AQR: variants seen among roughly 807,000 people sequenced by gnomAD.
AQR encodes RNA helicase aquarius.
Under a neutral mutation model 180.5 loss-of-function variants are expected in AQR, and 61 were observed. That is an observed-to-expected ratio of 0.34 (90% CI 0.28 to 0.42). The LOEUF is 0.42. Among genes scored for constraint, AQR ranks in the 10% least tolerant of loss-of-function variants. The probability of loss-of-function intolerance (pLI) is 1.00; values close to 1 mark genes in which losing one functional copy is unlikely to be tolerated. For missense variants in AQR, 1,281 were observed against 1,798.3 expected (o/e 0.71, Z 5.20); for synonymous variants, 551 against 588.8 (o/e 0.94, Z 0.93).
intron 19 of AQR, among the ~76,000 whole-genome samples, chr15:34,901,862 GTGAA>G (rs1394914318): frequency 2.0e-5 from 3 of 152,090 alleles, no homozygotes; most frequent in Non-Finnish European, 4.4e-5. Flanking sequence ...TATGGAATGG[GTGAA>G]TGAATGAATA....
chr15:34,926,385 A>G (rs922783212), intron 13 of AQR, among the ~76,000 whole-genome samples: 5 of 152,186 alleles, frequency 3.3e-5, no homozygotes, highest in African/African-American at 4.8e-5. Flanking sequence ...ATGATACAGT[A>G]TAGTAGTTAA....
intron 25 of AQR, among the ~76,000 whole-genome samples, chr15:34,885,083 C>T (rs1403763324): frequency 6.6e-6 from 1 of 152,168 alleles, no homozygotes; most frequent in African/African-American, 2.4e-5. Context: ...GGAAAGAAAG[C>T]TCTCTGGACA....
intron 10 of AQR, among the ~76,000 whole-genome samples, chr15:34,933,697 A>G (rs1002253624): frequency 3.5e-4 from 53 of 152,354 alleles, no homozygotes; most frequent in African/African-American, 1.2e-3. Flanking sequence ...TCTACAAACA[A>G]CAGCCCATGA....
chr15:34,879,298 C>G (rs765974059), intron 27 of AQR, among the ~76,000 whole-genome samples: 1 of 152,180 alleles, frequency 6.6e-6, no homozygotes, highest in East Asian at 1.9e-4. Context: ...ATAAAACTGG[C>G]TGAAACTGGC....
chr15:34,872,825 T>C (rs1299391748), intron 30 of AQR, among the ~76,000 whole-genome samples: 2 of 152,000 alleles, frequency 1.3e-5, no homozygotes, highest in African/African-American at 4.8e-5. Flanking sequence ...CAACCTATAT[T>C]GGATATTTTG....
Position 34,908,139 on chromosome 15 carries a change from C to T in AQR, c.1664-1427G>A, listed in dbSNP as rs554910309. Among the ~76,000 whole-genome samples, 279 of 152,272 alleles carry T rather than the reference C, an allele frequency of 1.8e-3. 7 individuals carry two copies. The Middle Eastern group carries it at 0.034, about 19-fold the overall frequency. On this transcript the variant is annotated intron_variant, in intron 17 of 34. Transcript: ENST00000156471. Reference sequence around the variant, plus strand: ...GTTTTATGGTATTTAGTTTAATAATCTTTAAAATTTACTTTTATAAAACAA... The same window carrying T: ...GTTTTATGGTATTTAGTTTAATAATTTTTAAAATTTACTTTTATAAAACAA...
intron 13 of AQR, among the ~76,000 whole-genome samples, chr15:34,925,486 G>T (rs1420631322): frequency 6.6e-6 from 1 of 152,204 alleles, no homozygotes; most frequent in African/African-American, 2.4e-5. Flanking sequence ...CTAGGAATCA[G>T]TACGAAAAGG....
intron 23 of AQR, 101 bp downstream of exon 23, chr15:34,893,562 C>A: frequency 6.3e-6 from 6 of 946,120 alleles, no homozygotes; most frequent in South Asian, 6.3e-5. Context: ...ACACTTACCT[C>A]CCCCTCAACC....
chr15:34,957,568 G>C (rs1203484142), intron 3 of AQR, among the ~76,000 whole-genome samples: 2 of 151,338 alleles, frequency 1.3e-5, no homozygotes, highest in Non-Finnish European at 2.9e-5. Context: ...AGGCGTGGTG[G>C]AGCATGCCTG....
At chr15:34,963,640 TAAGTA>T (rs2050293212) in intron 2 of AQR, among the ~76,000 whole-genome samples, 1 of 150,602 alleles carries the variant, frequency 6.6e-6, no homozygotes, top group African/African-American at 2.4e-5. Flanking sequence ...GAAAAACAGT[TAAGTA>T]AATTATACAC....
At chr15:34,956,275 T>A (rs1894314156) in intron 3 of AQR, among the ~76,000 whole-genome samples, 1 of 152,148 alleles carries the variant, frequency 6.6e-6, no homozygotes, top group South Asian at 2.1e-4. Context: ...AACCACTTAG[T>A]TGGTTCATAA....
In AQR at chr15:34,897,614, C is replaced by A; in HGVS notation, c.2335G>T (p.Val779Phe). 1.2e-6 allele frequency: 2 copies of A among 1,614,084 alleles called. No homozygotes were observed. The highest frequency in any genetic ancestry group is 1.7e-6 in the Non-Finnish European group (2 of 1,179,984). The change falls in exon 21 of 35, where the codon GTT becomes TTT. Residue 779 changes from valine to phenylalanine, a missense_variant. Val to Phe is a conservative substitution (Grantham distance 50, BLOSUM62 -1). Coordinates refer to ENST00000156471, the MANE Select transcript of AQR (RefSeq NM_014691.3). ...CTATTAGGAATAACATGGGGCTCAA[C>A]AATTAAGGTTTTTGCTTCCTCGGTG... ...EDTEEAKTLI[V>F]EPHVIPNRGP...
chr15:34,946,579 G>GA (rs1399885416), intron 5 of AQR, among the ~76,000 whole-genome samples: 8 of 133,668 alleles, frequency 6.0e-5, no homozygotes, highest in African/African-American at 2.4e-4. Context: ...GGAGGGAGGT[G>GA]GGGGGGGTCA....
chr15:34,922,013 T>A (rs572612112), intron 13 of AQR, among the ~76,000 whole-genome samples: 1 of 152,198 alleles, frequency 6.6e-6, no homozygotes, highest in African/African-American at 2.4e-5. Context: ...GGTTTCACCA[T>A]GTTGCCCAGG....
rs1045793360 is a variant in AQR at position 34,967,615 on chromosome 15, G to A, written c.75+1924C>T. Among the ~76,000 whole-genome samples the A allele has an allele frequency of 3.1e-4, 47 of 152,068 alleles. 1 individual carries two copies. The highest frequency in any genetic ancestry group is 1.7e-3 in the Admixed American group (26 of 15,268). The stretch of plus-strand genomic sequence containing the variant: ...AAAAAAATGAGGATTCCTAGCAGAG[G>A]AACAATGTTGAAAAGCCAGGAGATG... On this transcript the variant is annotated intron_variant, in intron 1 of 34. Coordinates refer to ENST00000156471, the MANE Select transcript of AQR (RefSeq NM_014691.3).
In AQR at chr15:34,853,102, T is replaced by A. The variant is rs1892537010; in HGVS notation, c.*3690A>T. The A allele has an allele frequency of 6.6e-6, 1 of 152,232 alleles. No individual in the cohort carries two copies. Among genetic ancestry groups the A allele is most frequent in the African/African-American group, 2.4e-5 (1 of 41,460 alleles). The allele number at this position is 152,232 out of a possible 1,614,324, so 9.4% of individuals were successfully genotyped here. ...ATAGTCTCACATGTCTTCATTTCCA[T>A]CCTTGGCTCAGTACAGCTCCAGTTC... On this transcript the variant is annotated 3_prime_UTR_variant, in exon 35 of 35. Transcript: ENST00000156471.
At chr15:34,942,137 C>G (rs943795234) in intron 6 of AQR, 57 bp from the exon 7 acceptor site, 25 of 1,360,188 alleles carry the variant, frequency 1.8e-5, no homozygotes, top group South Asian at 2.5e-5. Flanking sequence ...CTACCTAAGT[C>G]TTTACATAAG....
intron 21 of AQR, 145 bp from the exon 22 acceptor site, chr15:34,897,111 T>C: frequency 1.5e-6 from 1 of 652,780 alleles, no homozygotes. Context: ...TCCCTTCACC[T>C]CTACCCCTCA....
At chr15:34,963,951 C>T (rs116413694) in intron 2 of AQR, among the ~76,000 whole-genome samples, 7,567 of 152,124 alleles carry the variant, frequency 0.05, 274 homozygotes, top group African/African-American at 0.1. Flanking sequence ...CGTGAGACAC[C>T]GTGCCCAGCC....
Sources: allele counts gnomAD v4.1 joint callset (sites outside exome capture counted in the v4.1 genomes callset), GRCh38; gene constraint gnomAD v4.1.1; transcripts MANE v1.5; gene names NCBI Gene and HGNC (gene_info 2026-07-23, HGNC 2026-07-21).